The following ZNF407 variants were observed in gnomAD, a reference collection of about 807,000 sequenced individuals.
ZNF407 encodes the protein zinc finger protein 407.
In ZNF407, 17 loss-of-function variants were observed where a neutral mutation model predicts 131.2. The observed-to-expected ratio is 0.13, with a 90% CI of 0.09 to 0.19. The LOEUF (loss-of-function observed/expected upper bound fraction) is 0.19, where lower values mean the gene tolerates loss of function less well. ZNF407 is among the 10% of genes least tolerant of loss of function. The probability of loss-of-function intolerance (pLI) is 1.00; values close to 1 mark genes in which losing one functional copy is unlikely to be tolerated. For missense variants in ZNF407, 2,681 were observed against 2,830.6 expected (o/e 0.95, Z 1.20); for synonymous variants, 1,156 against 1,062.0 (o/e 1.09, Z -1.72).
intron 4 of ZNF407, among the ~76,000 whole-genome samples, chr18:74,848,799 T>C (rs191063286): frequency 6.6e-6 from 1 of 152,266 alleles, no homozygotes; most frequent in East Asian, 1.9e-4. Context: ...AGAAGATCTC[T>C]GGCTAGAATT....
At chr18:74,966,691 TG>T (rs1342768565) in intron 8 of ZNF407, among the ~76,000 whole-genome samples, 1 of 152,190 alleles carries the variant, frequency 6.6e-6, no homozygotes, top group Non-Finnish European at 1.5e-5. Flanking sequence ...TGTGTTTCTG[TG>T]GAGAATGTCA....
intron 4 of ZNF407, among the ~76,000 whole-genome samples, chr18:74,849,268 C>G (rs184644196): frequency 6.6e-6 from 1 of 151,714 alleles, no homozygotes; most frequent in Non-Finnish European, 1.5e-5. Flanking sequence ...TTAGTAGATA[C>G]GGGGTTTCGC....
At chr18:74,617,112 C>T (rs1264505633) in intron 1 of ZNF407, among the ~76,000 whole-genome samples, 3,700 of 17,212 alleles carry the variant, frequency 0.21, 101 homozygotes, top group Middle Eastern at 0.44. Flanking sequence ...TCCATATCCA[C>T]ACACCACACA....
intron 4 of ZNF407, among the ~76,000 whole-genome samples, chr18:74,794,252 T>A (rs1418848248): frequency 1.3e-5 from 2 of 152,208 alleles, no homozygotes; most frequent in Non-Finnish European, 2.9e-5. Flanking sequence ...AACTCCATCA[T>A]CTGCCATTGT....
intron 3 of ZNF407, among the ~76,000 whole-genome samples, chr18:74,689,868 A>C (rs898374010): frequency 6.6e-6 from 1 of 152,186 alleles, no homozygotes; most frequent in African/African-American, 2.4e-5. Flanking sequence ...AGGGCAGGAC[A>C]GGTTCAGGCA....
At chr18:74,647,853 G>A (rs746536229) in intron 3 of ZNF407, among the ~76,000 whole-genome samples, 3 of 152,146 alleles carry the variant, frequency 2.0e-5, no homozygotes, top group Non-Finnish European at 4.4e-5. Context: ...GGGAGGACGA[G>A]CTCTGCTGAG....
chr18:74,829,083 C>A (rs1970448183), intron 4 of ZNF407, among the ~76,000 whole-genome samples: 1 of 152,150 alleles, frequency 6.6e-6, no homozygotes, highest in Non-Finnish European at 1.5e-5. Context: ...TGGGAAAATT[C>A]TTCATGTCCC....
chr18:74,956,135 A>C (rs1474077797), intron 8 of ZNF407, among the ~76,000 whole-genome samples: 1 of 152,176 alleles, frequency 6.6e-6, no homozygotes, highest in Non-Finnish European at 1.5e-5. Context: ...TCAAAAATGA[A>C]TCCCCAGCCT....
rs140292848 is a variant in ZNF407 at position 74,918,696 on chromosome 18, G to T, written c.5250-1818G>T. Among the ~76,000 whole-genome samples, 375 of 151,914 alleles carry T rather than the reference G, an allele frequency of 2.5e-3. 2 individuals are homozygous for T. Among genetic ancestry groups the T allele is most frequent in the African/African-American group, 8.7e-3 (362 of 41,450 alleles). ...GAAAATAGCTGGGAAAATATCTGTT[G>T]TTCTAGTCCTTTTTTATTTTTTAAA... On this transcript the variant is annotated intron_variant, in intron 7 of 8. Transcript: ENST00000299687.
chr18:74,902,690 G>A (rs1177161613), intron 7 of ZNF407, among the ~76,000 whole-genome samples: 1 of 152,060 alleles, frequency 6.6e-6, no homozygotes, highest in Non-Finnish European at 1.5e-5. Context: ...CATTCTCTTT[G>A]CACGACTTAA....
chr18:74,778,075 C>T (rs569348934), intron 3 of ZNF407, among the ~76,000 whole-genome samples: 2 of 152,170 alleles, frequency 1.3e-5, no homozygotes, highest in African/African-American at 4.8e-5. Flanking sequence ...TTGGACAAGT[C>T]ACTCCTCTGT....
chr18:74,854,327 T>C (rs1970829967), intron 4 of ZNF407, among the ~76,000 whole-genome samples: 1 of 152,262 alleles, frequency 6.6e-6, no homozygotes, highest in African/African-American at 2.4e-5. Context: ...TTTGATTATA[T>C]ATAGTGTTTA....
At chr18:74,787,390 G>A (rs1335691730) in intron 4 of ZNF407, among the ~76,000 whole-genome samples, 1 of 152,162 alleles carries the variant, frequency 6.6e-6, no homozygotes, top group African/African-American at 2.4e-5. Flanking sequence ...TGCTTCGTCA[G>A]CAATGTGTTA....
rs35529971 is a variant in ZNF407 at position 74,849,052 on chromosome 18, C to CTTTTTTTTTTT, written c.4878-28141_4878-28131dup. ...TGGTGACTTTGGGCTACTTTTGTTT[C>CTTTTTTTTTTT]TTTTTTTTTTTTTTATTTTTTATTT... On this transcript the variant is annotated intron_variant, in intron 4 of 8. Coordinates refer to ENST00000299687, the MANE Select transcript of ZNF407 (RefSeq NM_017757.3). Among the ~76,000 whole-genome samples the CTTTTTTTTTTT allele has an allele frequency of 2.2e-3, 272 of 122,724 alleles. 1 individual carries two copies. Among genetic ancestry groups the CTTTTTTTTTTT allele is most frequent in the Middle Eastern group, 4.7e-3 (1 of 212 alleles). 80.5% of individuals were successfully genotyped at this position (122,724 alleles called of 152,430 possible).
chr18:74,827,454 G>A (rs2145112370), intron 4 of ZNF407, among the ~76,000 whole-genome samples: 1 of 151,628 alleles, frequency 6.6e-6, no homozygotes, highest in East Asian at 1.9e-4. Context: ...TATTCATTGA[G>A]TTATACTCCA....
intron 3 of ZNF407, among the ~76,000 whole-genome samples, chr18:74,745,008 C>T (rs918356439): frequency 6.6e-6 from 1 of 151,974 alleles, no homozygotes; most frequent in Admixed American, 6.6e-5. Context: ...TATTACTCAG[C>T]ATTTCTTAGA....
chr18:74,815,971 T>G (rs1005911739), intron 4 of ZNF407, among the ~76,000 whole-genome samples: 3 of 152,214 alleles, frequency 2.0e-5, no homozygotes, highest in Non-Finnish European at 4.4e-5. Context: ...CCAATCTCTA[T>G]GTAAAATGTA....
At chr18:74,971,731 T>G (rs1304545510) in intron 8 of ZNF407, among the ~76,000 whole-genome samples, 2 of 152,220 alleles carry the variant, frequency 1.3e-5, no homozygotes, top group African/African-American at 4.8e-5. Context: ...CTTCAAACTG[T>G]TCCAACTCTC....
At chr18:74,604,833 C>T (rs1047608269) in intron 1 of ZNF407, among the ~76,000 whole-genome samples, 1 of 152,214 alleles carries the variant, frequency 6.6e-6, no homozygotes, top group Non-Finnish European at 1.5e-5. Context: ...ATGGGACACT[C>T]ACCATGTGTA....
Sources: allele counts gnomAD v4.1 joint callset (sites outside exome capture counted in the v4.1 genomes callset), GRCh38; gene constraint gnomAD v4.1.1; transcripts MANE v1.5; gene names NCBI Gene and HGNC (gene_info 2026-07-23, HGNC 2026-07-21).